The following DYRK1A variants were observed in gnomAD, a reference collection of about 807,000 sequenced individuals.
DYRK1A encodes dual specificity tyrosine-phosphorylation-regulated kinase 1A.
DYRK1A carries 9 observed loss-of-function variants against 79.7 expected under a neutral mutation model. That is an observed-to-expected ratio of 0.11 (90% CI 0.07 to 0.20). The LOEUF (loss-of-function observed/expected upper bound fraction) is 0.20. Ranked by LOEUF, DYRK1A falls within the 10% of genes least tolerant of loss-of-function variation. The pLI is 1.00. For synonymous variants in DYRK1A, 349 were observed against 329.7 expected (o/e 1.06, Z -0.63); for missense variants, 622 against 956.0 (o/e 0.65, Z 4.61).
intron 2 of DYRK1A, among the ~76,000 whole-genome samples, chr21:37,460,140 A>G (rs2148524058): frequency 1.3e-5 from 2 of 151,786 alleles, no homozygotes; most frequent in South Asian, 4.2e-4. Flanking sequence ...TTAGTTTTTA[A>G]TGTTTCAAAA....
intron 2 of DYRK1A, among the ~76,000 whole-genome samples, chr21:37,446,447 T>G (rs1428537896): frequency 6.6e-6 from 1 of 152,206 alleles, no homozygotes; most frequent in East Asian, 1.9e-4. Flanking sequence ...GGGGAAAACT[T>G]TTAGAAAATC....
At chr21:37,423,165 A>T (rs985933566) in intron 2 of DYRK1A, among the ~76,000 whole-genome samples, 2 of 152,114 alleles carry the variant, frequency 1.3e-5, no homozygotes, top group African/African-American at 4.8e-5. Context: ...ATGCAGAGAG[A>T]AAGTAGAGAG....
intron 1 of DYRK1A, among the ~76,000 whole-genome samples, chr21:37,414,649 C>G (rs2050303363): frequency 6.6e-6 from 1 of 152,110 alleles, no homozygotes; most frequent in Admixed American, 6.6e-5. Flanking sequence ...AACCAACTGT[C>G]TTAGAAATGA....
chr21:37,416,187 C>T (rs778637063), intron 1 of DYRK1A, among the ~76,000 whole-genome samples: 6 of 152,070 alleles, frequency 3.9e-5, no homozygotes, highest in Admixed American at 6.6e-5. Flanking sequence ...AATGTGTCAA[C>T]GTCTATAAAA....
chr21:37,404,915 T>C (rs969159899), intron 1 of DYRK1A, among the ~76,000 whole-genome samples: 2 of 152,152 alleles, frequency 1.3e-5, no homozygotes, highest in Admixed American at 1.3e-4. Context: ...GGGGTGGGAT[T>C]GTGTAGTGGA....
At chr21:37,466,058 A>T (rs558106854) in intron 2 of DYRK1A, among the ~76,000 whole-genome samples, 2 of 152,370 alleles carry the variant, frequency 1.3e-5, no homozygotes, top group African/African-American at 4.8e-5. Context: ...TCAAAAAATG[A>T]AACAAGTATT....
chr21:37,394,348 C>T (rs2049923351), intron 1 of DYRK1A, among the ~76,000 whole-genome samples: 1 of 151,774 alleles, frequency 6.6e-6, no homozygotes, highest in South Asian at 2.1e-4. Flanking sequence ...GCTATAACTC[C>T]ATTCAAATAG....
At chr21:37,469,377 T>A (rs778603329) in intron 2 of DYRK1A, among the ~76,000 whole-genome samples, 1 of 152,234 alleles carries the variant, frequency 6.6e-6, no homozygotes, top group Non-Finnish European at 1.5e-5. Flanking sequence ...AAATTATCAT[T>A]TGTCCATATT....
intron 1 of DYRK1A, 40 bp from the exon 2 acceptor site, chr21:37,420,259 C>T (rs1262044067): frequency 2.8e-6 from 2 of 712,652 alleles, no homozygotes; most frequent in Non-Finnish European, 4.6e-6. Flanking sequence ...AATTGTCTTG[C>T]ATCATTATCT....
intron 1 of DYRK1A, among the ~76,000 whole-genome samples, chr21:37,404,696 C>A (rs2050117224): frequency 2.0e-5 from 3 of 152,170 alleles, no homozygotes; most frequent in Admixed American, 2.0e-4. Context: ...CTTGGGCTAC[C>A]ATTTGTTGAT....
chr21:37,468,703 G>A (rs574670924), intron 2 of DYRK1A, among the ~76,000 whole-genome samples: 1 of 152,200 alleles, frequency 6.6e-6, no homozygotes, highest in East Asian at 1.9e-4. Context: ...TTACACAGAA[G>A]TCAAATGCAA....
At chr21:37,409,446 T>C (rs2835718) in intron 1 of DYRK1A, among the ~76,000 whole-genome samples, 23,852 of 152,070 alleles carry the variant, frequency 0.16, 2,588 homozygotes, top group African/African-American at 0.3. Context: ...ATGGTGATAG[T>C]TAGCAGGATA....
intron 2 of DYRK1A, among the ~76,000 whole-genome samples, chr21:37,439,442 T>C (rs2051023777): frequency 6.6e-6 from 1 of 152,196 alleles, no homozygotes; most frequent in African/African-American, 2.4e-5. Flanking sequence ...TTTTTGTCAG[T>C]GTCCTTTATC....
At chr21:37,416,192 A>G (rs908998666) in intron 1 of DYRK1A, among the ~76,000 whole-genome samples, 4 of 152,142 alleles carry the variant, frequency 2.6e-5, no homozygotes, top group African/African-American at 7.2e-5. Context: ...GTCAACGTCT[A>G]TAAAATGCCT....
chr21:37,484,329 CT>C lies in DYRK1A; in HGVS notation c.490-2122del, dbSNP rs35615588. 6.7e-3 allele frequency among the ~76,000 whole-genome samples: 898 copies of C among 134,004 alleles called. 2 individuals are homozygous for C. Among genetic ancestry groups the C allele is most frequent in the Non-Finnish European group, 8.8e-3 (557 of 62,966 alleles). 87.9% of individuals were successfully genotyped at this position (134,004 alleles called of 152,430 possible). On this transcript the variant is annotated intron_variant, in intron 5 of 11. Transcript: ENST00000647188. ...TTGGGCAGTTGCACTCAATAGGTCC[CT>C]TTTTTTTTTTTTTTTGAGATGGAGT... is the stretch of plus-strand genomic sequence containing the variant.
chr21:37,453,131 A>G (rs1292974983), intron 2 of DYRK1A, among the ~76,000 whole-genome samples: 2 of 152,212 alleles, frequency 1.3e-5, no homozygotes, highest in East Asian at 1.9e-4. Flanking sequence ...AAAAAAGTAC[A>G]AAGCAACAGT....
At chr21:37,461,794 T>C (rs1294965099) in intron 2 of DYRK1A, among the ~76,000 whole-genome samples, 1 of 152,110 alleles carries the variant, frequency 6.6e-6, no homozygotes, top group Non-Finnish European at 1.5e-5. Context: ...TACAATTTTT[T>C]TCTTCATCAT....
intron 2 of DYRK1A, among the ~76,000 whole-genome samples, chr21:37,438,959 CTATT>C (rs769664385): frequency 2.0e-5 from 3 of 152,018 alleles, no homozygotes; most frequent in Non-Finnish European, 4.4e-5. Context: ...GCACATATAT[CTATT>C]TAGCCCTTTC....
intron 1 of DYRK1A, among the ~76,000 whole-genome samples, chr21:37,378,057 C>T (rs750651393): frequency 5.3e-5 from 8 of 152,196 alleles, no homozygotes; most frequent in Non-Finnish European, 8.8e-5. Flanking sequence ...TTTCTCAAAT[C>T]TCACCAACAC....
Sources: gnomAD v4.1 joint callset for allele counts (sites outside exome capture counted in the v4.1 genomes callset) on GRCh38, gnomAD v4.1.1 for gene constraint, MANE v1.5 for transcripts, NCBI Gene and HGNC (gene_info 2026-07-23, HGNC 2026-07-21) for gene names.